TMEM131L: variants seen among roughly 807,000 people sequenced by gnomAD.
The protein encoded by TMEM131L is transmembrane 131 like.
A neutral mutation model predicts 192.2 loss-of-function variants in TMEM131L; 54 were observed. The observed-to-expected ratio is 0.28, with a 90% CI of 0.23 to 0.35. The LOEUF (loss-of-function observed/expected upper bound fraction) is 0.35. TMEM131L is among the 10% of genes least tolerant of loss of function. The pLI is 1.00. For synonymous variants in TMEM131L, 701 were observed against 704.9 expected (o/e 0.99, Z 0.09); for missense variants, 1,888 against 1,972.9 (o/e 0.96, Z 0.82).
intron 7 of TMEM131L, among the ~76,000 whole-genome samples, chr4:153,563,485 T>G (rs1728982212): frequency 7.4e-6 from 1 of 134,992 alleles, no homozygotes; most frequent in Non-Finnish European, 1.5e-5. Context: ...TTTTTTTTTT[T>G]GAGACAGGGT....
chr4:153,530,138 G>A (rs1735785241), intron 3 of TMEM131L, among the ~76,000 whole-genome samples: 1 of 151,380 alleles, frequency 6.6e-6, no homozygotes, highest in Non-Finnish European at 1.5e-5. Context: ...CTAATGCTGT[G>A]TTGGATATAA....
At chr4:153,581,973 T>A (rs992989014) in intron 9 of TMEM131L, among the ~76,000 whole-genome samples, 3 of 152,260 alleles carry the variant, frequency 2.0e-5, no homozygotes, top group African/African-American at 7.2e-5. Context: ...TCCTGGATGC[T>A]TGACAAGTTA....
intron 3 of TMEM131L, among the ~76,000 whole-genome samples, chr4:153,544,758 C>G (rs1419414539): frequency 6.6e-6 from 1 of 152,210 alleles, no homozygotes; most frequent in Non-Finnish European, 1.5e-5. Flanking sequence ...TTTCGCTCTT[C>G]TGTTTTTGGA....
At chr4:153,623,172 C>A in intron 29 of TMEM131L, 89 bp downstream of exon 29, 1 of 1,240,372 alleles carries the variant, frequency 8.1e-7, no homozygotes, top group Non-Finnish European at 1.1e-6. Context: ...GATCTGCCTT[C>A]AGGAGTGCAG....
At chr4:153,506,085 T>G (rs1478483122) in intron 3 of TMEM131L, among the ~76,000 whole-genome samples, 1 of 152,146 alleles carries the variant, frequency 6.6e-6, no homozygotes, top group Admixed American at 6.6e-5. Context: ...TGAAAAACAA[T>G]AGTAGAGTCG....
intron 19 of TMEM131L, among the ~76,000 whole-genome samples, chr4:153,594,260 T>G (rs1223735661): frequency 6.6e-6 from 1 of 152,216 alleles, no homozygotes. Context: ...CTTACTAAAC[T>G]GTGTTCCTGT....
chr4:153,562,300 T>TG (rs1441222551), intron 7 of TMEM131L, among the ~76,000 whole-genome samples: 4 of 152,294 alleles, frequency 2.6e-5, no homozygotes, highest in South Asian at 2.1e-4. Flanking sequence ...CCTCCTAAAG[T>TG]GCTGGAATTA....
At chr4:153,618,958 C>G (rs529107970) in intron 26 of TMEM131L, among the ~76,000 whole-genome samples, 9 of 152,334 alleles carry the variant, frequency 5.9e-5, no homozygotes, top group African/African-American at 2.2e-4. Flanking sequence ...CTCCCTGCCA[C>G]TCTTTCTGGG....
chr4:153,466,393 GC>G lies in TMEM131L; in HGVS notation c.-4del. ...CGAGCAACGGAGAGGAGCGCGAGCA[GC>G]AGCATGGCGGGGCTCCGACGCCCGC... On this transcript the variant is annotated 5_prime_UTR_variant, in exon 1 of 35. Transcript: ENST00000409959. 1 of 1,319,820 alleles carries G rather than the reference GC, an allele frequency of 7.6e-7. No homozygotes were observed. The highest frequency in any genetic ancestry group is 9.7e-7 in the Non-Finnish European group (1 of 1,030,948). The allele number at this position is 1,319,820 out of a possible 1,614,324, so 81.8% of individuals were successfully genotyped here.
At chr4:153,507,162 TTTGGAGTG>T (rs1734049783) in intron 3 of TMEM131L, among the ~76,000 whole-genome samples, 1 of 152,228 alleles carries the variant, frequency 6.6e-6, no homozygotes, top group Non-Finnish European at 1.5e-5. Flanking sequence ...CACGGGAAGC[TTTGGAGTG>T]TTTATGGCCC....
intron 31 of TMEM131L, among the ~76,000 whole-genome samples, chr4:153,631,882 C>T (rs753114066): frequency 1.3e-5 from 2 of 152,232 alleles, no homozygotes; most frequent in Non-Finnish European, 2.9e-5. Context: ...CCCAGGCACA[C>T]CTTGCTTCAG....
At chr4:153,631,785 C>T (rs575504728) in intron 31 of TMEM131L, among the ~76,000 whole-genome samples, 1 of 152,314 alleles carries the variant, frequency 6.6e-6, no homozygotes, top group South Asian at 2.1e-4. Flanking sequence ...TTCTCTGCTC[C>T]CAATCCGCTC....
chr4:153,532,269 G>C (rs1561164986), intron 3 of TMEM131L, among the ~76,000 whole-genome samples: 1 of 152,296 alleles, frequency 6.6e-6, no homozygotes, highest in East Asian at 1.9e-4. Context: ...TTTTCATTAT[G>C]TACAGGAGGC....
intron 19 of TMEM131L, among the ~76,000 whole-genome samples, chr4:153,594,250 C>T (rs1020545750): frequency 6.6e-6 from 1 of 152,094 alleles, no homozygotes; most frequent in Non-Finnish European, 1.5e-5. Context: ...AAAATCTTCT[C>T]TTACTAAACT....
chr4:153,550,837 T>C (rs1172481242), intron 4 of TMEM131L, among the ~76,000 whole-genome samples: 6 of 152,190 alleles, frequency 3.9e-5, no homozygotes, highest in Admixed American at 2.6e-4. Flanking sequence ...TGCTTACAGT[T>C]GTTAGGATTA....
At position 153,604,203 on chromosome 4, in the gene TMEM131L, C is replaced by A. The variant is rs201261618; in HGVS notation, c.3191C>A (p.Thr1064Lys). Residue 1064 changes from threonine (T) to lysine (K), a missense_variant, in exon 25 of 35, where the codon ACA becomes AAA. By Grantham distance (78) the Thr-to-Lys change is moderately conservative. Coordinates refer to ENST00000409959, the MANE Select transcript of TMEM131L (RefSeq NM_001131007.2). ...LNKEENTLKN[T>K]IVFSNPSSEC... ...AAAGAAGAAAACACACTGAAAAACA[C>A]AATTGTTTTCAGTAATCCTTCTTCA... The A allele has an allele frequency of 3.4e-5, 55 of 1,613,998 alleles. 1 individual carries two copies. In the Admixed American group the frequency reaches 8.8e-4, roughly 26 times the overall value.
intron 12 of TMEM131L, 82 bp downstream of exon 12, chr4:153,585,013 GA>G (rs1578802083): frequency 4.0e-5 from 43 of 1,088,430 alleles, no homozygotes; most frequent in Non-Finnish European, 5.5e-5. Flanking sequence ...AAAATATAGT[GA>G]TATGATTTGT....
At chr4:153,593,176 T>C (rs968161059) in intron 18 of TMEM131L, among the ~76,000 whole-genome samples, 8 of 152,242 alleles carry the variant, frequency 5.3e-5, no homozygotes, top group Non-Finnish European at 1.0e-4. Context: ...ATGTCTGTTA[T>C]ATCTTATTTT....
intron 32 of TMEM131L, 129 bp downstream of exon 32, chr4:153,632,967 T>C: frequency 9.7e-7 from 1 of 1,033,682 alleles, no homozygotes; most frequent in South Asian, 1.7e-5. Flanking sequence ...ACTTTAGCTG[T>C]GCGTTTCCTT....
Sources: allele counts gnomAD v4.1 joint callset (sites outside exome capture counted in the v4.1 genomes callset), GRCh38; gene constraint gnomAD v4.1.1; transcripts MANE v1.5; gene names NCBI Gene and HGNC (gene_info 2026-07-23, HGNC 2026-07-21).